The following IFT140 variants were observed in gnomAD, a reference collection of about 807,000 sequenced individuals.
IFT140 encodes the protein intraflagellar transport 140, also known as intraflagellar transport protein 140 homolog.
A neutral mutation model predicts 164.6 loss-of-function variants in IFT140; 133 were observed. The ratio of observed to expected loss-of-function variants is 0.81; its 90% confidence interval spans 0.70 to 0.93. The LOEUF is 0.93. Ranked by LOEUF, IFT140 falls within the 40% of genes least tolerant of loss-of-function variation. IFT140 has a pLI of 0.00. For missense variants in IFT140, 2,045 were observed against 1,972.3 expected (o/e 1.04, Z -0.70); for synonymous variants, 860 against 817.3 (o/e 1.05, Z -0.89).
chr16:1,552,155 G>A (rs1294076279), intron 19 of IFT140, among the ~76,000 whole-genome samples: 1 of 152,152 alleles, frequency 6.6e-6, no homozygotes, highest in African/African-American at 2.4e-5. Context: ...TGTAACACCC[G>A]CAAGTAGAAA....
chr16:1,511,114 G>A lies in IFT140; in HGVS notation c.4219C>T (p.Pro1407Ser), dbSNP rs1472750752. Residue 1407 changes from proline (P) to serine (S), a missense_variant, in exon 31 of 31, where the codon CCC (proline) becomes TCC (serine). Physicochemically the swap from Pro to Ser is moderately conservative, Grantham distance 74. Coordinates refer to ENST00000426508, the MANE Select transcript of IFT140 (RefSeq NM_014714.4). ...ACGTAGTAGGACATGTTGGCCAAGG[G>A]AAGCCGCCGCCGCATCTCCTCCAGG... Reference protein sequence around the residue: ...RFLEEMRRRLPLANMSYYVSP... With the variant: ...RFLEEMRRRLSLANMSYYVSP... The A allele has an allele frequency of 6.2e-7, 1 of 1,609,436 alleles. No individual in the cohort carries two copies. Among genetic ancestry groups the A allele is most frequent in the Non-Finnish European group, 8.5e-7 (1 of 1,178,906 alleles).
chr16:1,590,854 C>T (rs973674235), intron 6 of IFT140, among the ~76,000 whole-genome samples: 2 of 152,174 alleles, frequency 1.3e-5, no homozygotes. Context: ...CAGCCTCAGC[C>T]TCCTGGGTTC....
chr16:1,558,191 C>A (rs1294177604), intron 18 of IFT140, 57 bp from the exon 19 acceptor site: 1 of 1,558,260 alleles, frequency 6.4e-7, no homozygotes, highest in Middle Eastern at 1.8e-4. Flanking sequence ...GAAGCCCTCA[C>A]CCAGACCTCG....
chr16:1,565,331 G>A (rs762873321), intron 16 of IFT140, among the ~76,000 whole-genome samples: 15 of 152,064 alleles, frequency 9.9e-5, no homozygotes, highest in Non-Finnish European at 1.5e-4. Flanking sequence ...TGCACTCGGT[G>A]AGCTGTGAAG....
chr16:1,520,916 G>A (rs1354330246), intron 26 of IFT140, 108 bp from the exon 27 acceptor site: 10 of 1,037,358 alleles, frequency 9.6e-6, no homozygotes, highest in East Asian at 2.6e-5. Flanking sequence ...GCTCAGCGGC[G>A]GCTTCTGTCT....
chr16:1,542,688 G>A (rs576334329), intron 19 of IFT140, among the ~76,000 whole-genome samples: 59 of 152,264 alleles, frequency 3.9e-4, no homozygotes, highest in Non-Finnish European at 7.8e-4. Context: ...TGAGCCGACA[G>A]TGAGGTGCCT....
chr16:1,604,869 G>A (rs1438366118), intron 3 of IFT140, among the ~76,000 whole-genome samples: 1 of 152,118 alleles, frequency 6.6e-6, no homozygotes, highest in Non-Finnish European at 1.5e-5. Flanking sequence ...CTAGAAACCA[G>A]GATAAAGGGG....
At chr16:1,523,058 G>A (rs577548990) in intron 26 of IFT140, among the ~76,000 whole-genome samples, 3 of 151,314 alleles carry the variant, frequency 2.0e-5, no homozygotes, top group South Asian at 2.1e-4. Context: ...CTGAGTCTAT[G>A]AAAAAAAATT....
Position 1,535,553 on chromosome 16 carries a change from G to A in IFT140, c.2400-8757C>T, listed in dbSNP as rs556087673. ...GGCAGTGCCTCTGCTCCAGGCTTCC[G>A]AGGGAGTCCCGGAGTACTGGGGTAA... is the stretch of plus-strand genomic sequence containing the variant. On this transcript the variant is annotated intron_variant, in intron 19 of 30. Transcript: ENST00000426508. 7.2e-5 allele frequency among the ~76,000 whole-genome samples: 11 copies of A among 152,290 alleles called. No homozygotes were observed. In the East Asian group the frequency reaches 9.6e-4, roughly 13 times the overall value.
At chr16:1,556,720 C>A (rs974320430) in intron 19 of IFT140, among the ~76,000 whole-genome samples, 4 of 152,162 alleles carry the variant, frequency 2.6e-5, no homozygotes, top group African/African-American at 9.7e-5. Context: ...CTTTCATCTT[C>A]CCCTGCTCAA....
chr16:1,524,374 G>C, intron 24 of IFT140, 178 bp downstream of exon 24: 1 of 741,664 alleles, frequency 1.3e-6, no homozygotes, highest in Non-Finnish European at 2.1e-6. Flanking sequence ...ATGTCAGATG[G>C]AAGCGGCCAG....
In IFT140 at chr16:1,525,237, T is replaced by C; in HGVS notation, c.2858A>G (p.Lys953Arg). 1.2e-6 allele frequency: 2 copies of C among 1,611,120 alleles called. No homozygotes were observed. Among genetic ancestry groups the C allele is most frequent in the Non-Finnish European group, 8.5e-7 (1 of 1,178,600 alleles). Residue 953 changes from lysine to arginine, a missense_variant, in exon 22 of 31, where the codon AAG becomes AGG. Physicochemically the swap from Lys to Arg is conservative, Grantham distance 26. Coordinates refer to ENST00000426508, the MANE Select transcript of IFT140 (RefSeq NM_014714.4). ...CCCTGGTGGGGACACTCACTTATCC[T>C]TCATTTTATTCACGTAGAGCTCCAG... Reference protein sequence around the residue: ...PSLELYVNKMKDKTLWRWWAQ... With the variant: ...PSLELYVNKMRDKTLWRWWAQ...
chr16:1,542,161 G>A (rs553038827), intron 19 of IFT140: 1 of 1,409,820 alleles, frequency 7.1e-7, no homozygotes, highest in Non-Finnish European at 9.3e-7. Flanking sequence ...GCCTTGGGTG[G>A]CCTGGGGGGA....
intron 19 of IFT140, chr16:1,532,736 G>C (rs754335448): frequency 1.3e-5 from 2 of 152,256 alleles, no homozygotes; most frequent in African/African-American, 2.4e-5. Context: ...GCTGGGTTTC[G>C]GGTCTCTGGA....
At chr16:1,587,832 T>C (rs1269351854) in intron 8 of IFT140, 101 bp downstream of exon 8, 5 of 871,134 alleles carry the variant, frequency 5.7e-6, no homozygotes, top group East Asian at 5.3e-5. Flanking sequence ...CAGCATCATA[T>C]GTGCATTTTA....
At chr16:1,513,968 C>G (rs536152074) in intron 30 of IFT140, among the ~76,000 whole-genome samples, 40 of 151,656 alleles carry the variant, frequency 2.6e-4, no homozygotes, top group African/African-American at 9.7e-4. Context: ...CCACTGCACC[C>G]GGCTGCTTCT....
At chr16:1,545,796 C>T (rs1303475556) in intron 19 of IFT140, among the ~76,000 whole-genome samples, 1 of 152,222 alleles carries the variant, frequency 6.6e-6, no homozygotes, top group African/African-American at 2.4e-5. Flanking sequence ...GGCGATGGGG[C>T]CTGTGCTTTT....
At chr16:1,608,535 A>G (rs1050888858) in intron 2 of IFT140, among the ~76,000 whole-genome samples, 4 of 151,722 alleles carry the variant, frequency 2.6e-5, no homozygotes, top group Admixed American at 2.0e-4. Context: ...CCGGAGCCTA[A>G]GACAGGAGAA....
intron 2 of IFT140, among the ~76,000 whole-genome samples, chr16:1,608,157 C>T (rs755415616): frequency 3.9e-5 from 6 of 152,178 alleles, no homozygotes; most frequent in East Asian, 1.9e-4. Flanking sequence ...TGATCACTTA[C>T]GTGAACTTAA....
Sources: gnomAD v4.1 joint callset for allele counts (sites outside exome capture counted in the v4.1 genomes callset) on GRCh38, gnomAD v4.1.1 for gene constraint, MANE v1.5 for transcripts, NCBI Gene and HGNC (gene_info 2026-07-23, HGNC 2026-07-21) for gene names.